ATIC: variants seen among roughly 807,000 people sequenced by gnomAD.
The protein encoded by ATIC is 5-aminoimidazole-4-carboxamide ribonucleotide formyltransferase/IMP cyclohydrolase, also known as bifunctional purine biosynthesis protein ATIC.
ATIC carries 64 observed loss-of-function variants against 72.5 expected under a neutral mutation model. The ratio of observed to expected loss-of-function variants is 0.88; its 90% CI spans 0.72 to 1.09. The LOEUF (loss-of-function observed/expected upper bound fraction) is 1.09, where lower values mean the gene tolerates loss of function less well. ATIC is among the 50% of genes least tolerant of loss of function. The pLI, the probability that ATIC is intolerant of heterozygous loss-of-function variation, is 0.00. For missense variants in ATIC, 787 were observed against 732.4 expected (o/e 1.07, Z -0.86); for synonymous variants, 281 against 267.1 (o/e 1.05, Z -0.51).
intron 13 of ATIC, among the ~76,000 whole-genome samples, chr2:215,346,068 G>C (rs1022792901): frequency 6.6e-6 from 1 of 152,198 alleles, no homozygotes; most frequent in Non-Finnish European, 1.5e-5. Context: ...CAATTTCTGA[G>C]AGTTGATATT....
chr2:215,365,710 T>C, the ATIC span: 1 of 1,363,022 alleles, frequency 7.3e-7, no homozygotes, highest in Non-Finnish European at 1.0e-6. Context: ...CTGGGACGTG[T>C]CACAGGGTCT....
chr2:215,338,737 A>T, intron 11 of ATIC, 42 bp from the exon 12 acceptor site: 1 of 1,599,444 alleles, frequency 6.3e-7, no homozygotes, highest in Non-Finnish European at 8.5e-7. Flanking sequence ...AATTTGAGGG[A>T]AGTGGAGAGA....
the ATIC span, chr2:215,361,992 T>C: frequency 1.9e-6 from 3 of 1,613,896 alleles, no homozygotes; most frequent in Non-Finnish European, 2.5e-6. Context: ...TGATGGTATC[T>C]CTGAGAATAC....
rs950215711 is a variant in ATIC at position 215,312,083 on chromosome 2, C to T, written c.-60C>T. ...CGCCACATCCCGGCAGCCCTCCTAC[C>T]TGCGCACGTGGTGCCGCCGCTGCTG... On this transcript the variant is annotated 5_prime_UTR_variant, in exon 1 of 16. Coordinates refer to ENST00000236959, the MANE Select transcript of ATIC (RefSeq NM_004044.7). 18 of 1,529,982 alleles carry T rather than the reference C, an allele frequency of 1.2e-5. No individual in the cohort carries two copies. In the Middle Eastern group the frequency reaches 6.6e-4, roughly 56 times the overall value. 94.8% of individuals were successfully genotyped at this position (1,529,982 alleles called of 1,614,324 possible).
chr2:215,359,241 A>C, the ATIC span, among the ~76,000 whole-genome samples: 1 of 152,178 alleles, frequency 6.6e-6, no homozygotes, highest in Admixed American at 6.5e-5. Context: ...AGTGGTTTGA[A>C]GCATCATCAG....
chr2:215,319,658 A>C lies in ATIC; in HGVS notation c.224-7A>C. On this transcript the variant is annotated splice_region_variant and splice_polypyrimidine_tract_variant and intron_variant, in intron 3 of 15. Transcript: ENST00000236959. ...GCTAATGACTTTGTTTAACTTTTTTAAATTAGGAATCCTAGCTCGTAATAT... is the reference window on the plus strand; with the variant it reads ...GCTAATGACTTTGTTTAACTTTTTTCAATTAGGAATCCTAGCTCGTAATAT... 1 of 1,603,636 alleles carries C rather than the reference A, an allele frequency of 6.2e-7. No individual in the cohort carries two copies. The highest frequency in any genetic ancestry group is 8.5e-7 in the Non-Finnish European group (1 of 1,170,544).
At position 215,346,966 on chromosome 2, in the gene ATIC, C is replaced by T. The variant is rs574982722; in HGVS notation, c.1503+25C>T. ...GGTGAAAGACTTGGCATTGGGTTCT[C>T]GGCTGTGTTAATATTCAGTTCAACC... is the stretch of plus-strand genomic sequence containing the variant. On this transcript the variant is annotated intron_variant, in intron 14 of 15. Transcript: ENST00000236959. 1.7e-5 allele frequency: 28 copies of T among 1,612,610 alleles called. 1 individual carries two copies. Among genetic ancestry groups the T allele is most frequent in the South Asian group, 6.6e-5 (6 of 90,910 alleles).
At chr2:215,366,281 A>C in the ATIC span, among the ~76,000 whole-genome samples, 1 of 152,202 alleles carries the variant, frequency 6.6e-6, no homozygotes, top group South Asian at 2.1e-4. Flanking sequence ...AAAATTGTGG[A>C]AAACTAAAGT....
At chr2:215,357,539 C>T in the ATIC span, among the ~76,000 whole-genome samples, 28 of 152,340 alleles carry the variant, frequency 1.8e-4, no homozygotes, top group African/African-American at 6.7e-4. Flanking sequence ...ATACCTGACT[C>T]TACTGAGGAA....
At chr2:215,318,096 G>A (rs2052728648) in intron 2 of ATIC, 61 bp from the exon 3 acceptor site, 4 of 1,436,538 alleles carry the variant, frequency 2.8e-6, no homozygotes, top group Non-Finnish European at 3.9e-6. Context: ...TAGATGCTTT[G>A]AATAGTGAAA....
chr2:215,323,859 C>A (rs1319078266), intron 4 of ATIC, among the ~76,000 whole-genome samples: 1 of 152,092 alleles, frequency 6.6e-6, no homozygotes, highest in South Asian at 2.1e-4. Flanking sequence ...CTGTGACCTC[C>A]GCCTCCCGGG....
At chr2:215,340,933 C>G (rs1017694233) in intron 12 of ATIC, among the ~76,000 whole-genome samples, 4 of 152,170 alleles carry the variant, frequency 2.6e-5, no homozygotes, top group African/African-American at 9.7e-5. Flanking sequence ...CACTTGCTGT[C>G]TGTCCGCTCT....
At chr2:215,332,170 G>GTGTTCA (rs1226276188) in intron 7 of ATIC, among the ~76,000 whole-genome samples, 156 of 133,150 alleles carry the variant, frequency 1.2e-3, no homozygotes, top group Non-Finnish European at 1.8e-3. Context: ...GTGTGTGTGT[G>GTGTTCA]TGTGTTCATG....
the ATIC span, among the ~76,000 whole-genome samples, chr2:215,365,351 T>C: frequency 6.6e-6 from 1 of 152,162 alleles, no homozygotes; most frequent in Non-Finnish European, 1.5e-5. Flanking sequence ...TTGAAGCTTG[T>C]CTCCACTTTC....
intron 12 of ATIC, 98 bp downstream of exon 12, chr2:215,339,005 C>A: frequency 6.5e-7 from 1 of 1,537,626 alleles, no homozygotes; most frequent in Non-Finnish European, 9.0e-7. Context: ...GGATTTGGAA[C>A]TGGTCTGTAT....
intron 7 of ATIC, among the ~76,000 whole-genome samples, chr2:215,328,773 A>G (rs930982261): frequency 2.7e-5 from 4 of 147,328 alleles, no homozygotes; most frequent in African/African-American, 1.0e-4. Flanking sequence ...GCTGGAGTGC[A>G]GTGGTGCGAT....
intron 11 of ATIC, among the ~76,000 whole-genome samples, chr2:215,337,487 C>G (rs953009633): frequency 5.3e-5 from 8 of 152,132 alleles, no homozygotes; most frequent in Non-Finnish European, 1.0e-4. Flanking sequence ...CTGCCTCACC[C>G]TCCCAAGTAC....
At position 215,326,126 on chromosome 2, in the gene ATIC, G is replaced by A. The variant is rs1396440054; in HGVS notation, c.519G>A (p.Gln173=). The A allele has an allele frequency of 1.9e-6, 3 of 1,614,050 alleles. No individual in the cohort carries two copies. Among genetic ancestry groups the A allele is most frequent in the Admixed American group, 1.7e-5 (1 of 60,016 alleles). Residue 173 remains glutamine (Q), a synonymous_variant, in exon 6 of 16, where the codon CAG becomes CAA. Transcript: ENST00000236959. ...SKDTSLETRR[Q]LALKAFTHTA... ...ACACCTCCTTGGAGACTAGACGCCAGTTAGCCTTGAAGGTGGGATGCACTT... is the reference window on the plus strand; with the variant it reads ...ACACCTCCTTGGAGACTAGACGCCAATTAGCCTTGAAGGTGGGATGCACTT...
chr2:215,366,578 G>A, the ATIC span, among the ~76,000 whole-genome samples: 1 of 152,168 alleles, frequency 6.6e-6, no homozygotes, highest in African/African-American at 2.4e-5. Context: ...CTATACATAA[G>A]GGATGACTTT....
Sources: allele counts gnomAD v4.1 joint callset (sites outside exome capture counted in the v4.1 genomes callset), GRCh38; gene constraint gnomAD v4.1.1; transcripts MANE v1.5; gene names NCBI Gene and HGNC (gene_info 2026-07-23, HGNC 2026-07-21).